MAP3K10: variants seen among roughly 807,000 people sequenced by gnomAD.
MAP3K10 encodes the protein mitogen-activated protein kinase kinase kinase 10.
MAP3K10 carries 22 observed loss-of-function variants against 75.0 expected under a neutral mutation model. The ratio of observed to expected loss-of-function variants is 0.29; its 90% CI spans 0.21 to 0.42. MAP3K10 has a LOEUF of 0.42. Ranked by LOEUF, MAP3K10 falls within the 10% of genes least tolerant of loss-of-function variation. The pLI is 1.00. For synonymous variants in MAP3K10, 599 were observed against 612.9 expected (o/e 0.98, Z 0.34); for missense variants, 1,165 against 1,379.8 (o/e 0.84, Z 2.47).
rs748016295 is a variant in MAP3K10, at chr19:40,213,631, C to T, written c.1952C>T (p.Pro651Leu). Residue 651 changes from proline to leucine, a missense_variant, in exon 9 of 10, where the codon CCG becomes CTG. Physicochemically the swap from Pro to Leu is moderately conservative, Grantham distance 98. Coordinates refer to ENST00000253055, the MANE Select transcript of MAP3K10 (RefSeq NM_002446.4). This position sits in a 1 kb window ranked among gnomAD's most constrained non-coding sequence, Gnocchi z 5.7. ...PAEPSPGARAPWEPTPSAPPA... is the reference protein window; with the variant it reads ...PAEPSPGARALWEPTPSAPPA... ...GAGCCCTCCCCGGGGGCGCGGGCGC[C>T]GTGGGAGCCGACGCCGTCCGCGCCC... The T allele has an allele frequency of 6.0e-6, 9 of 1,496,778 alleles. No individual in the cohort carries two copies. The East Asian group carries it at 8.5e-5, about 14-fold the overall frequency. The allele number at this position is 1,496,778 out of a possible 1,614,324, so 92.7% of individuals were successfully genotyped here.
At chr19:40,200,323 T>G (rs565331721) in intron 2 of MAP3K10, among the ~76,000 whole-genome samples, 3 of 152,262 alleles carry the variant, frequency 2.0e-5, no homozygotes, top group Admixed American at 6.5e-5. Flanking sequence ...CTCCTTTGAC[T>G]GTTAGGTAGA....
In MAP3K10 at chr19:40,209,333, G is replaced by A. The variant is rs903245862; in HGVS notation, c.1552+114G>A. On this transcript the variant is annotated intron_variant, in intron 6 of 9. Transcript: ENST00000253055. ...TAACAGCAAGAAAGAAGACAGACAA[G>A]GCCCTTTTCCTCATTCTTATCACAG... is the stretch of plus-strand genomic sequence containing the variant. 1.0e-5 allele frequency: 7 copies of A among 690,326 alleles called. No homozygotes were observed. The African/African-American group carries it at 1.2e-4, about 12-fold the overall frequency. The allele number at this position is 690,326 out of a possible 1,614,324, so 42.8% of individuals were successfully genotyped here.
intron 5 of MAP3K10, among the ~76,000 whole-genome samples, chr19:40,207,211 A>C (rs1350916701): frequency 6.6e-6 from 1 of 152,144 alleles, no homozygotes; most frequent in Admixed American, 6.5e-5. Context: ...AGACTTAATC[A>C]GATTCAGATT....
Position 40,192,094 on chromosome 19 carries a change from G to T in MAP3K10, c.63G>T (p.Trp21Cys). ...EWGTTPAGPV[W>C]TAVFDYEAAG... The stretch of plus-strand genomic sequence containing the variant: ...GCACGACCCCCGCGGGGCCCGTCTG[G>T]ACCGCGGTGTTCGACTACGAGGCGG... Residue 21 changes from tryptophan to cysteine, a missense_variant, in exon 1 of 10, where the codon TGG becomes TGT. Trp to Cys is a radical substitution (Grantham distance 215). Transcript: ENST00000253055. This position sits in a 1 kb window ranked among gnomAD's most constrained non-coding sequence, Gnocchi z 7.1. 3 of 1,546,314 alleles carry T rather than the reference G, an allele frequency of 1.9e-6. No homozygotes were observed. Among genetic ancestry groups the T allele is most frequent in the Non-Finnish European group, 2.6e-6 (3 of 1,149,504 alleles).
intron 1 of MAP3K10, among the ~76,000 whole-genome samples, chr19:40,193,836 G>A (rs1196113411): frequency 1.3e-5 from 2 of 152,090 alleles, no homozygotes; most frequent in African/African-American, 2.4e-5. Flanking sequence ...GCATGTCCCC[G>A]GCCCTCACGT....
intron 5 of MAP3K10, among the ~76,000 whole-genome samples, chr19:40,207,014 G>GCTTGAA (rs1377862173): frequency 6.6e-6 from 1 of 152,004 alleles, no homozygotes; most frequent in Non-Finnish European, 1.5e-5. Context: ...CACAAGCATC[G>GCTTGAA]CTTGAACCCG....
chr19:40,212,840 A>C lies in MAP3K10; in HGVS notation c.1588A>C (p.Ser530Arg). The C allele has an allele frequency of 6.2e-7, 1 of 1,603,216 alleles. No homozygotes were observed. The highest frequency in any genetic ancestry group is 8.5e-7 in the Non-Finnish European group (1 of 1,175,598). The change falls in exon 7 of 10, where the codon AGC (serine) becomes CGC (arginine). Residue 530 changes from serine to arginine, a missense_variant. Physicochemically the swap from Ser to Arg is moderately radical, Grantham distance 110 (BLOSUM62 -1). Transcript: ENST00000253055. This position sits in a 1 kb window ranked among gnomAD's most constrained non-coding sequence, Gnocchi z 4.2. The part of the protein sequence containing the change: ...PVDCGGSSSG[S>R]SSGGSGTWSR... The stretch of plus-strand genomic sequence containing the variant: ...GGACTGTGGTGGCAGCAGCAGTGGC[A>C]GCAGCAGTGGAGGAAGTGGGACATG...
rs372273027 is a variant in MAP3K10, at chr19:40,215,081, C to T, written c.2654C>T (p.Pro885Leu). Residue 885 changes from proline to leucine, a missense_variant, in exon 10 of 10, where the codon CCG becomes CTG. Physicochemically the swap from Pro to Leu is moderately conservative, Grantham distance 98 (BLOSUM62 -3). Transcript: ENST00000253055. ...PGRPTTLTFA[P>L]RPRPAASRPR... is the part of the protein sequence containing the mutation. ...CGCCCCACCACCCTGACCTTTGCCCCGAGACCTCGGCCGGCTGCCAGTCGC... is the reference window on the plus strand; with the variant it reads ...CGCCCCACCACCCTGACCTTTGCCCTGAGACCTCGGCCGGCTGCCAGTCGC... The T allele has an allele frequency of 9.3e-6, 15 of 1,610,250 alleles. No homozygotes were observed. The Admixed American group carries it at 1.2e-4, about 13-fold the overall frequency.
In MAP3K10 at chr19:40,214,149, G is replaced by A; in HGVS notation, c.2470G>A (p.Gly824Arg). The change falls in exon 9 of 10, where the codon GGG (glycine) becomes AGG (arginine). Residue 824 changes from glycine to arginine, a missense_variant. Physicochemically the swap from Gly to Arg is moderately radical, Grantham distance 125. Coordinates refer to ENST00000253055, the MANE Select transcript of MAP3K10 (RefSeq NM_002446.4). ...HVTAACAVSR[G>R]HRRTPSDGAL... is the part of the protein sequence containing the mutation. ...CACGGCTGCATGCGCTGTGAGCCGC[G>A]GGCACCGGCGGACGCCATCGGACGG... 4 of 1,535,688 alleles carry A rather than the reference G, an allele frequency of 2.6e-6. No individual in the cohort carries two copies. Among genetic ancestry groups the A allele is most frequent in the Middle Eastern group, 1.8e-4 (1 of 5,538 alleles).
Position 40,213,771 on chromosome 19 carries a change from G to T in MAP3K10, c.2092G>T (p.Asp698Tyr). 1 of 1,169,182 alleles carries T rather than the reference G, an allele frequency of 8.6e-7. No homozygotes were observed. The highest frequency in any genetic ancestry group is 2.6e-5 in the South Asian group (1 of 38,646). 72.4% of individuals were successfully genotyped at this position (1,169,182 alleles called of 1,614,324 possible). A position where few individuals can be genotyped will look rare whatever the true frequency, so the allele number is the denominator to read the frequency against. Residue 698 changes from aspartate to tyrosine, a missense_variant, in exon 9 of 10, where the codon GAC (aspartate) becomes TAC (tyrosine). Physicochemically the swap from Asp to Tyr is radical, Grantham distance 160. Around this residue, in one of 2 missense-constraint regions of MAP3K10, gnomAD observed 590 missense variants for 586.6 expected, o/e 1.01. Transcript: ENST00000253055. The surrounding 1 kb of genome is among the most constrained non-coding windows in gnomAD (Gnocchi z 5.7). ...CGACGTGGCCGAGGCGCGCGCGGCC[G>T]ACGGTGAGGAGCAGCGGCGCTGGCT... ...GADVAEARAA[D>Y]GEEQRRWLDG...
rs145602628 is a variant in MAP3K10, at chr19:40,204,622, G to A, written c.1001G>A (p.Arg334His). ...TCCACGTGCCCCGAGCCCTTTGCCC[G>A]CCTCCTGGAGGGTGAGCCGGGGCCC... is the stretch of plus-strand genomic sequence containing the variant. ...IPSTCPEPFA[R>H]LLEECWDPDP... Residue 334 changes from arginine to histidine, a missense_variant, in exon 3 of 10, where the codon CGC becomes CAC. Physicochemically the swap from Arg to His is conservative, Grantham distance 29. This residue lies in a region of MAP3K10 where 575 missense variants were observed against 793.2 expected (regional missense o/e 0.72). Transcript: ENST00000253055. This position sits in a 1 kb window ranked among gnomAD's most constrained non-coding sequence, Gnocchi z 4.3. 4.4e-5 allele frequency: 71 copies of A among 1,611,842 alleles called. No homozygotes were observed. The highest frequency in any genetic ancestry group is 5.3e-5 in the African/African-American group (4 of 74,894).
chr19:40,208,312 C>G (rs1429645688), intron 5 of MAP3K10, among the ~76,000 whole-genome samples: 3 of 149,126 alleles, frequency 2.0e-5, no homozygotes, highest in Middle Eastern at 6.9e-3. Flanking sequence ...GCTGGGACTA[C>G]AGGCACCCGC....
chr19:40,198,960 C>G lies in MAP3K10; in HGVS notation c.863+405C>G, dbSNP rs988337702. Among the ~76,000 whole-genome samples the G allele has an allele frequency of 2.0e-5, 3 of 152,110 alleles. No individual in the cohort carries two copies. In the South Asian group the frequency reaches 6.2e-4, roughly 32 times the overall value. On this transcript the variant is annotated intron_variant, in intron 2 of 9. Coordinates refer to ENST00000253055, the MANE Select transcript of MAP3K10 (RefSeq NM_002446.4). This position sits in a 1 kb window ranked among gnomAD's most constrained non-coding sequence, Gnocchi z 4.3. ...GCAGATGCCTGTTGTCCCAGCTACT[C>G]GGGAGACTGAGGCAGGAGAATCACT...
At chr19:40,202,405 G>A (rs1053379952) in intron 2 of MAP3K10, among the ~76,000 whole-genome samples, 8 of 152,198 alleles carry the variant, frequency 5.3e-5, no homozygotes, top group African/African-American at 1.7e-4. Flanking sequence ...CTGAGCTGCA[G>A]ATGTGTCCTG....
intron 9 of MAP3K10, among the ~76,000 whole-genome samples, chr19:40,214,581 G>T (rs1224784077): frequency 6.6e-6 from 1 of 152,190 alleles, no homozygotes; most frequent in African/African-American, 2.4e-5. Context: ...TGTGCTGCTT[G>T]TTTTAAGTTA....
rs1048137390 is a variant in MAP3K10, at chr19:40,214,241, C to G, written c.2542+20C>G. ...GCCCTGGTGAGTGAGGCGCCCTGCA[C>G]CCAGGTCACAGAAAACCCCTTCTTT... is the stretch of plus-strand genomic sequence containing the variant. On this transcript the variant is annotated intron_variant, in intron 9 of 9. Coordinates refer to ENST00000253055, the MANE Select transcript of MAP3K10 (RefSeq NM_002446.4). 1.5e-6 allele frequency: 2 copies of G among 1,375,136 alleles called. No individual in the cohort carries two copies. The highest frequency in any genetic ancestry group is 1.9e-6 in the Non-Finnish European group (2 of 1,071,358). 85.2% of individuals were successfully genotyped at this position (1,375,136 alleles called of 1,614,324 possible). A position where few individuals can be genotyped will look rare whatever the true frequency, so the allele number is the denominator to read the frequency against.
chr19:40,202,833 C>A (rs187524924), intron 2 of MAP3K10, among the ~76,000 whole-genome samples: 2 of 152,214 alleles, frequency 1.3e-5, no homozygotes, highest in East Asian at 3.9e-4. Flanking sequence ...TACTACACCC[C>A]CTCCTACATC....
In MAP3K10 at chr19:40,215,479, C is replaced by A. The variant is rs1239465123; in HGVS notation, c.*187C>A. 3 of 615,950 alleles carry A rather than the reference C, an allele frequency of 4.9e-6. No homozygotes were observed. The East Asian group carries it at 8.3e-5, about 17-fold the overall frequency. 38.2% of individuals were successfully genotyped at this position (615,950 alleles called of 1,614,324 possible). A position where few individuals can be genotyped will look rare whatever the true frequency, so the allele number is the denominator to read the frequency against. ...CCAGGGGGTGGAGCCCTGTGCCCAC[C>A]CTGCACTGGGGGGAGGGTGGGCAGG... is the stretch of plus-strand genomic sequence containing the variant. On this transcript the variant is annotated 3_prime_UTR_variant, in exon 10 of 10. Coordinates refer to ENST00000253055, the MANE Select transcript of MAP3K10 (RefSeq NM_002446.4).
Position 40,204,268 on chromosome 19 carries a change from G to A in MAP3K10, c.864-217G>A, listed in dbSNP as rs765130768. The stretch of plus-strand genomic sequence containing the variant: ...TGAAGATTTTCAGGCAGGGGAGAGG[G>A]AAGACAGGCCGAGCAAAGGAGAGAC... On this transcript the variant is annotated intron_variant, in intron 2 of 9. Transcript: ENST00000253055. The surrounding 1 kb of genome is among the most constrained non-coding windows in gnomAD (Gnocchi z 4.3). Among the ~76,000 whole-genome samples the A allele has an allele frequency of 2.0e-5, 3 of 152,178 alleles. No homozygotes were observed. Among genetic ancestry groups the A allele is most frequent in the Non-Finnish European group, 2.9e-5 (2 of 68,024 alleles).
Sources: allele counts gnomAD v4.1 joint callset (sites outside exome capture counted in the v4.1 genomes callset), GRCh38; gene constraint gnomAD v4.1.1; regional missense constraint gnomAD v4.1.1; non-coding constraint Gnocchi (gnomAD v3.1); transcripts MANE v1.5; gene names NCBI Gene and HGNC (gene_info 2026-07-23, HGNC 2026-07-21).